RNF7: variants seen among roughly 807,000 people sequenced by gnomAD.
RNF7 encodes the protein RING-box protein 2.
Under a neutral mutation model 17.0 loss-of-function variants are expected in RNF7, and 9 were observed. The observed-to-expected ratio is 0.53, with a 90% CI of 0.32 to 0.92. RNF7 has a LOEUF of 0.92. Among genes scored for constraint, RNF7 ranks in the 40% least tolerant of loss-of-function variants. The pLI is 0.04. For missense variants in RNF7, 87 were observed against 145.8 expected (o/e 0.60, Z 2.08); for synonymous variants, 59 against 50.5 (o/e 1.17, Z -0.72).
At position 141,743,261 on chromosome 3, in the gene RNF7, A is replaced by G. The variant is rs2084439731; in HGVS notation, c.176-248A>G. 2.0e-5 allele frequency among the ~76,000 whole-genome samples: 3 copies of G among 152,210 alleles called. No homozygotes were observed. The South Asian group carries it at 6.2e-4, about 32-fold the overall frequency. ...AGTAGTTTTCTCTCTTGGCACCGTC[A>G]GGACATCTTTTCATCAGAGCTTATA... On this transcript the variant is annotated intron_variant, in intron 1 of 2. Coordinates refer to ENST00000273480, the MANE Select transcript of RNF7 (RefSeq NM_014245.5).
chr3:141,738,572 G>C, intron 1 of RNF7, 56 bp downstream of exon 1: 1 of 1,516,144 alleles, frequency 6.6e-7, no homozygotes, highest in Non-Finnish European at 8.9e-7. Flanking sequence ...GCCGACCTCG[G>C]GGTTGGGAAG....
Position 141,743,533 on chromosome 3 carries a change from AAAAC to A in RNF7, c.207_210del (p.Gln70ArgfsTer23). The A allele has an allele frequency of 6.2e-7, 1 of 1,611,270 alleles. No individual in the cohort carries two copies. Among genetic ancestry groups the A allele is most frequent in the Non-Finnish European group, 8.5e-7 (1 of 1,179,034 alleles). On this transcript the variant is annotated frameshift_variant, in exon 2 of 3. Transcript: ENST00000273480. LOFTEE classifies it high-confidence loss of function. ...GATGCCTGTCTTAGATGTCAAGCTG[AAAAC>A]AAACAAGAGGACTGTGTTGGTATGT...
At position 141,743,455 on chromosome 3, in the gene RNF7, T is replaced by C. The variant is rs1296802467; in HGVS notation, c.176-54T>C. The C allele has an allele frequency of 2.1e-6, 3 of 1,463,384 alleles. No homozygotes were observed. In the East Asian group the frequency reaches 6.8e-5, roughly 33 times the overall value. 90.6% of individuals were successfully genotyped at this position (1,463,384 alleles called of 1,614,324 possible). A position where few individuals can be genotyped will look rare whatever the true frequency, so the allele number is the denominator to read the frequency against. On this transcript the variant is annotated intron_variant, in intron 1 of 2. Transcript: ENST00000273480. ...CTTTTGACTTTGAAGTGTCTGGTTT[T>C]TAAAAATTGCATTCTGAGCATCAGA...
Position 141,746,951 on chromosome 3 carries a change from T to C in RNF7, c.*1674T>C, listed in dbSNP as rs2084480789. The C allele has an allele frequency of 6.6e-6, 1 of 152,224 alleles. No individual in the cohort carries two copies. The highest frequency in any genetic ancestry group is 2.4e-5 in the African/African-American group (1 of 41,466). The allele number at this position is 152,224 out of a possible 1,614,324, so 9.4% of individuals were successfully genotyped here. A position where few individuals can be genotyped will look rare whatever the true frequency, so the allele number is the denominator to read the frequency against. ...GTGCAGTGAACTGTTTTAGTAACTT[T>C]CTGTTTGACCTTTTTAGAAGGTTGC... On this transcript the variant is annotated 3_prime_UTR_variant, in exon 3 of 3. Transcript: ENST00000273480.
chr3:141,744,622 G>A (rs141114694), intron 2 of RNF7, among the ~76,000 whole-genome samples: 156 of 152,284 alleles, frequency 1.0e-3, no homozygotes, highest in African/African-American at 3.5e-3. Context: ...CGTCACATGA[G>A]GAATTGCACT....
At chr3:141,743,749 A>G (rs1418278839) in intron 2 of RNF7, among the ~76,000 whole-genome samples, 193 bp downstream of exon 2, 1 of 152,228 alleles carries the variant, frequency 6.6e-6, no homozygotes, top group African/African-American at 2.4e-5. Context: ...TTTTATTGCC[A>G]TAATTAAGAA....
In RNF7 at chr3:141,740,472, C is replaced by T. The variant is rs186027871; in HGVS notation, c.175+1956C>T. 2.2e-3 allele frequency among the ~76,000 whole-genome samples: 337 copies of T among 152,264 alleles called. 5 individuals are homozygous for T. The highest frequency in any genetic ancestry group is 1.9e-3 in the East Asian group (10 of 5,186). ...TATAAATGACACATTTCATCATAAACTTTCTAATTATAGCAAGTATTCTGC... is the reference window on the plus strand; with the variant it reads ...TATAAATGACACATTTCATCATAAATTTTCTAATTATAGCAAGTATTCTGC... On this transcript the variant is annotated intron_variant, in intron 1 of 2. Coordinates refer to ENST00000273480, the MANE Select transcript of RNF7 (RefSeq NM_014245.5).
chr3:141,747,374 G>A lies in RNF7; in HGVS notation c.*2097G>A, dbSNP rs1011243716. The A allele has an allele frequency of 1.3e-5, 2 of 151,598 alleles. No individual in the cohort carries two copies. Among genetic ancestry groups the A allele is most frequent in the Non-Finnish European group, 2.9e-5 (2 of 67,956 alleles). 9.4% of individuals were successfully genotyped at this position (151,598 alleles called of 1,614,324 possible). The stretch of plus-strand genomic sequence containing the variant: ...AATGTGCTGATTTTATTTTACTGTT[G>A]CATTAGAAACAAACAAGTTATCTTT... On this transcript the variant is annotated 3_prime_UTR_variant, in exon 3 of 3. Transcript: ENST00000273480.
intron 1 of RNF7, among the ~76,000 whole-genome samples, chr3:141,740,390 A>G (rs921633675): frequency 6.6e-6 from 1 of 152,244 alleles, no homozygotes; most frequent in Non-Finnish European, 1.5e-5. Flanking sequence ...ATAATGATTG[A>G]AACTTTGCAA....
intron 1 of RNF7, among the ~76,000 whole-genome samples, chr3:141,742,486 A>G (rs534048175): frequency 3.9e-5 from 6 of 151,940 alleles, no homozygotes; most frequent in Non-Finnish European, 7.4e-5. Flanking sequence ...TCAGCCTCCC[A>G]AAGTGCTGGG....
chr3:141,744,239 T>TC (rs1243528322), intron 2 of RNF7, among the ~76,000 whole-genome samples: 10 of 152,226 alleles, frequency 6.6e-5, no homozygotes, highest in African/African-American at 2.4e-4. Context: ...TATTGATTCT[T>TC]GCAGTTTTGA....
In RNF7 at chr3:141,745,465, T is replaced by C; in HGVS notation, c.*188T>C. The C allele has an allele frequency of 2.4e-6, 1 of 416,588 alleles. No individual in the cohort carries two copies. The highest frequency in any genetic ancestry group is 4.3e-5 in the East Asian group (1 of 23,412). 25.8% of individuals were successfully genotyped at this position (416,588 alleles called of 1,614,324 possible). On this transcript the variant is annotated 3_prime_UTR_variant, in exon 3 of 3. Transcript: ENST00000273480. ...GTCAGTTTTATCTTCAGAAATTCTC[T>C]GCGATTAAGAAGATAATTTATTAAA... is the stretch of plus-strand genomic sequence containing the variant.
intron 1 of RNF7, chr3:141,742,680 T>C: frequency 8.5e-7 from 1 of 1,183,020 alleles, no homozygotes. Flanking sequence ...TCCGAGGCCC[T>C]GAACCTAATA....
intron 2 of RNF7, 40 bp downstream of exon 2, chr3:141,743,596 G>A: frequency 1.4e-6 from 2 of 1,477,408 alleles, no homozygotes; most frequent in Non-Finnish European, 1.9e-6. Context: ...TCAACTGAAG[G>A]TTTTCTCTCA....
chr3:141,741,779 T>G (rs970553429), intron 1 of RNF7, among the ~76,000 whole-genome samples: 2 of 151,008 alleles, frequency 1.3e-5, no homozygotes, highest in African/African-American at 4.9e-5. Flanking sequence ...GAAGTTACTA[T>G]AAGCTCACTG....
In RNF7 at chr3:141,746,534, G is replaced by C. The variant is rs774299362; in HGVS notation, c.*1257G>C. 3 of 151,922 alleles carry C rather than the reference G, an allele frequency of 2.0e-5. No individual in the cohort carries two copies. The highest frequency in any genetic ancestry group is 2.9e-5 in the Non-Finnish European group (2 of 68,000). The allele number at this position is 151,922 out of a possible 1,614,324, so 9.4% of individuals were successfully genotyped here. On this transcript the variant is annotated 3_prime_UTR_variant, in exon 3 of 3. Transcript: ENST00000273480. The stretch of plus-strand genomic sequence containing the variant: ...AAATTTAAGGTTTATTACCTGGAAA[G>C]AGTGCAAGAAAATACTAAACAACTT...
intron 1 of RNF7, among the ~76,000 whole-genome samples, chr3:141,742,426 C>T (rs897303443): frequency 6.6e-6 from 1 of 151,888 alleles, no homozygotes; most frequent in Admixed American, 6.6e-5. Context: ...CGGGGTTTCA[C>T]CATGTTAGCC....
Position 141,745,461 on chromosome 3 carries a change from T to C in RNF7, c.*184T>C. The C allele has an allele frequency of 2.4e-6, 1 of 423,930 alleles. No homozygotes were observed. Among genetic ancestry groups the C allele is most frequent in the Non-Finnish European group, 4.4e-6 (1 of 228,448 alleles). The allele number at this position is 423,930 out of a possible 1,614,324, so 26.3% of individuals were successfully genotyped here. A position where few individuals can be genotyped will look rare whatever the true frequency, so the allele number is the denominator to read the frequency against. On this transcript the variant is annotated 3_prime_UTR_variant, in exon 3 of 3. Transcript: ENST00000273480. ...TTTTGTCAGTTTTATCTTCAGAAAT[T>C]CTCTGCGATTAAGAAGATAATTTAT...
chr3:141,742,416 CG>C (rs1161668720), intron 1 of RNF7, among the ~76,000 whole-genome samples: 7 of 151,664 alleles, frequency 4.6e-5, no homozygotes. Context: ...TTAGTAGAGA[CG>C]GGGTTTCACC....
Sources: gnomAD v4.1 joint callset for allele counts (sites outside exome capture counted in the v4.1 genomes callset) on GRCh38, gnomAD v4.1.1 for gene constraint, MANE v1.5 for transcripts, NCBI Gene and HGNC (gene_info 2026-07-23, HGNC 2026-07-21) for gene names.